The following ADGRL3 variants were observed in gnomAD, a reference collection of about 807,000 sequenced individuals.
The protein encoded by ADGRL3 is adhesion G protein-coupled receptor L3.
In ADGRL3, 62 loss-of-function variants were observed where a neutral mutation model predicts 153.5. The ratio of observed to expected loss-of-function variants is 0.40; its 90% CI spans 0.33 to 0.50. ADGRL3 has a LOEUF of 0.50. ADGRL3 is among the 20% of genes least tolerant of loss of function. The pLI, the probability that ADGRL3 is intolerant of heterozygous loss-of-function variation, is 0.47. For missense variants in ADGRL3, 1,641 were observed against 1,859.4 expected, an observed-to-expected ratio of 0.88 and a Z score of 2.16; for synonymous variants, 710 against 672.5, an observed-to-expected ratio of 1.06 and a Z score of -0.86.
intron 1 of ADGRL3, among the ~76,000 whole-genome samples, chr4:61,278,246 C>T (rs2093568167): frequency 6.6e-6 from 1 of 152,114 alleles, no homozygotes; most frequent in African/African-American, 2.4e-5. Context: ...TGCCCTTTCT[C>T]TTGCTCCCTG....
At chr4:61,596,796 T>C (rs1447632795) in intron 5 of ADGRL3, among the ~76,000 whole-genome samples, 2 of 152,132 alleles carry the variant, frequency 1.3e-5, no homozygotes, top group South Asian at 2.1e-4. Context: ...AGTTCAAGTC[T>C]GCAGGAAGCT....
rs2095324128 is a variant in ADGRL3 at position 61,320,123 on chromosome 4, C to A, written c.-239-63001C>A. On this transcript the variant is annotated intron_variant, in intron 1 of 26. Coordinates refer to ENST00000683033, the MANE Select transcript of ADGRL3 (RefSeq NM_001387552.1). ...TGGTCATCTGCAAGCTGGAAAGATA[C>A]CCCTCTTCTGGAAATGAATTGGCTG... 2.0e-5 allele frequency among the ~76,000 whole-genome samples: 3 copies of A among 152,096 alleles called. 1 individual carries two copies. The highest frequency in any genetic ancestry group is 2.0e-4 in the Admixed American group (3 of 15,256).
chr4:61,719,604 C>T (rs887304841), intron 6 of ADGRL3, among the ~76,000 whole-genome samples: 83 of 137,046 alleles, frequency 6.1e-4, no homozygotes, highest in Non-Finnish European at 1.1e-3. Context: ...TCTGTCATAC[C>T]TTTTTTTTTT....
chr4:61,218,747 G>A (rs974589615), intron 1 of ADGRL3, among the ~76,000 whole-genome samples: 12 of 152,190 alleles, frequency 7.9e-5, no homozygotes, highest in African/African-American at 2.9e-4. Context: ...CTGTTTCAAG[G>A]CTTAAAGAAA....
At chr4:61,291,605 C>CAT (rs2094212519) in intron 1 of ADGRL3, among the ~76,000 whole-genome samples, 2 of 8,040 alleles carry the variant, frequency 2.5e-4, no homozygotes, top group African/African-American at 7.0e-4. Context: ...TATATATATA[C>CAT]ACACACATAT....
intron 11 of ADGRL3, among the ~76,000 whole-genome samples, chr4:61,905,660 C>G (rs1452415027): frequency 6.6e-6 from 1 of 151,996 alleles, no homozygotes; most frequent in Non-Finnish European, 1.5e-5. Flanking sequence ...TTTGGGAGGT[C>G]GAGGCGGGCA....
chr4:61,622,721 A>G (rs1224316405), intron 5 of ADGRL3, among the ~76,000 whole-genome samples: 3 of 152,242 alleles, frequency 2.0e-5, no homozygotes, highest in South Asian at 4.1e-4. Flanking sequence ...TTGTGTTTCT[A>G]TTTTTAAAAC....
rs959349194 is a variant in ADGRL3 at position 61,383,112 on chromosome 4, C to A, written c.-239-12C>A. ...TCATAATCAAATTAAATATTTTTTT[C>A]TTTTTTTTCAGAAATGTTTAATTTG... On this transcript the variant is annotated splice_polypyrimidine_tract_variant and intron_variant, in intron 1 of 26. Coordinates refer to ENST00000683033, the MANE Select transcript of ADGRL3 (RefSeq NM_001387552.1). 2.7e-5 allele frequency: 4 copies of A among 150,760 alleles called. No individual in the cohort carries two copies. The highest frequency in any genetic ancestry group is 9.7e-5 in the African/African-American group (4 of 41,136). The allele number at this position is 150,760 out of a possible 1,614,324, so 9.3% of individuals were successfully genotyped here.
chr4:61,673,097 T>A (rs1198582499), intron 5 of ADGRL3, among the ~76,000 whole-genome samples: 3 of 151,912 alleles, frequency 2.0e-5, no homozygotes, highest in Non-Finnish European at 4.4e-5. Flanking sequence ...AGACAAATAC[T>A]ATTTGATCCC....
At chr4:61,448,875 A>AAAGGAAGGAAGGAAGAGGGGAGAGAGGG (rs2097636374) in intron 2 of ADGRL3, among the ~76,000 whole-genome samples, 4 of 39,628 alleles carry the variant, frequency 1.0e-4, no homozygotes, top group African/African-American at 1.7e-4. Context: ...GGAAGGAAGG[A>AAAGGAAGGAAGGAAGAGGGGAGAGAGGG]AAGGAAGGAA....
At chr4:61,813,062 C>G (rs2097648847) in intron 8 of ADGRL3, among the ~76,000 whole-genome samples, 2 of 152,124 alleles carry the variant, frequency 1.3e-5, no homozygotes, top group Non-Finnish European at 2.9e-5. Context: ...TATTACTGAT[C>G]TGCACTGAGG....
At chr4:61,658,084 A>G (rs1056474610) in intron 5 of ADGRL3, among the ~76,000 whole-genome samples, 3 of 152,092 alleles carry the variant, frequency 2.0e-5, no homozygotes, top group African/African-American at 7.2e-5. Flanking sequence ...TTCTTTTTGT[A>G]TTCTTTTTCT....
chr4:61,428,961 A>G (rs1017288699), intron 2 of ADGRL3, among the ~76,000 whole-genome samples: 1 of 151,730 alleles, frequency 6.6e-6, no homozygotes, highest in African/African-American at 2.4e-5. Context: ...AGATAAATAT[A>G]TGTGTATCTT....
intron 2 of ADGRL3, among the ~76,000 whole-genome samples, chr4:61,449,435 T>TTTTTTCC (rs1178716164): frequency 3.9e-5 from 6 of 151,952 alleles, no homozygotes; most frequent in Non-Finnish European, 7.4e-5. Flanking sequence ...ACGCCCGGCC[T>TTTTTTCC]ATTTTTTCCA....
intron 9 of ADGRL3, among the ~76,000 whole-genome samples, chr4:61,850,980 A>G (rs1037455631): frequency 1.3e-5 from 2 of 152,192 alleles, no homozygotes; most frequent in Non-Finnish European, 2.9e-5. Context: ...TTTAAAAAGC[A>G]CATTTCCTAA....
At chr4:61,666,933 G>A in intron 5 of ADGRL3, among the ~76,000 whole-genome samples, 1 of 152,040 alleles carries the variant, frequency 6.6e-6, no homozygotes, top group East Asian at 1.9e-4. Flanking sequence ...TATTGATAAA[G>A]CATTTAACTA....
At chr4:61,720,691 C>A (rs2096227255) in intron 6 of ADGRL3, among the ~76,000 whole-genome samples, 1 of 152,128 alleles carries the variant, frequency 6.6e-6, no homozygotes, top group Admixed American at 6.5e-5. Context: ...GAATGTGGCA[C>A]TTACTATTTA....
intron 13 of ADGRL3, among the ~76,000 whole-genome samples, chr4:61,924,214 T>C (rs2098783910): frequency 6.6e-6 from 1 of 152,138 alleles, no homozygotes; most frequent in Non-Finnish European, 1.5e-5. Flanking sequence ...TTCCTTGATA[T>C]ATTCTCTTCA....
Position 61,279,488 on chromosome 4 carries a change from G to A in ADGRL3, c.-240+77723G>A, listed in dbSNP as rs570986275. Among the ~76,000 whole-genome samples the A allele has an allele frequency of 1.4e-3, 220 of 152,194 alleles. 2 individuals carry two copies. The highest frequency in any genetic ancestry group is 5.7e-4 in the Non-Finnish European group (39 of 68,010). ...TTTCCTTTTGAGAGTGTGGTCAAGG[G>A]AAGCATCTTTAAATAGACAGCATTT... On this transcript the variant is annotated intron_variant, in intron 1 of 26. Transcript: ENST00000683033.
Sources: gnomAD v4.1 joint callset for allele counts (sites outside exome capture counted in the v4.1 genomes callset) on GRCh38, gnomAD v4.1.1 for gene constraint, MANE v1.5 for transcripts, NCBI Gene and HGNC (gene_info 2026-07-23, HGNC 2026-07-21) for gene names.